PHLDB3: variants seen among roughly 807,000 people sequenced by gnomAD.
PHLDB3 encodes the protein pleckstrin homology-like domain family B member 3.
Under a neutral mutation model 85.7 loss-of-function variants are expected in PHLDB3, and 86 were observed. That is an observed-to-expected ratio of 1.00 (90% CI 0.84 to 1.20). The LOEUF (loss-of-function observed/expected upper bound fraction) is 1.20, where lower values mean the gene tolerates loss of function less well. Ranked by LOEUF, PHLDB3 falls within the 50% of genes most tolerant of loss-of-function variation. The probability of loss-of-function intolerance (pLI) is 0.00; values close to 1 mark genes in which losing one functional copy is unlikely to be tolerated. For synonymous variants in PHLDB3, 376 were observed against 349.8 expected, an observed-to-expected ratio of 1.07 and a Z score of -0.83; for missense variants, 995 against 873.0, an observed-to-expected ratio of 1.14 and a Z score of -1.76.
chr19:43,501,943 C>G, intron 3 of PHLDB3, 72 bp from the exon 4 acceptor site: 1 of 1,496,618 alleles, frequency 6.7e-7, no homozygotes, highest in Non-Finnish European at 8.9e-7. Context: ...CCTGAACTAC[C>G]GGATTCGAAG....
intron 4 of PHLDB3, among the ~76,000 whole-genome samples, chr19:43,500,254 A>G (rs1971556429): frequency 6.6e-6 from 1 of 151,976 alleles, no homozygotes; most frequent in South Asian, 2.1e-4. Flanking sequence ...AAAAAAAGAG[A>G]CTAGGGTGAT....
rs367620118 is a variant in PHLDB3, at chr19:43,497,107, G to C, written c.825+11C>G. 1.4e-6 allele frequency: 2 copies of C among 1,475,930 alleles called. No homozygotes were observed. Among genetic ancestry groups the C allele is most frequent in the Non-Finnish European group, 1.8e-6 (2 of 1,115,850 alleles). The allele number at this position is 1,475,930 out of a possible 1,614,324, so 91.4% of individuals were successfully genotyped here. A position where few individuals can be genotyped will look rare whatever the true frequency, so the allele number is the denominator to read the frequency against. On this transcript the variant is annotated intron_variant, in intron 6 of 15. Coordinates refer to ENST00000292140, the MANE Select transcript of PHLDB3 (RefSeq NM_198850.4). Reference sequence around the variant, plus strand: ...CAGCAAGGGGGGCAGCGCTGGTCAGGCATGACTCACTCTGTGCTGCGCCAT... The same window carrying C: ...CAGCAAGGGGGGCAGCGCTGGTCAGCCATGACTCACTCTGTGCTGCGCCAT...
chr19:43,494,864 C>T, intron 8 of PHLDB3, 49 bp from the exon 9 acceptor site: 1 of 1,421,722 alleles, frequency 7.0e-7, no homozygotes, highest in East Asian at 2.4e-5. Context: ...GACCCCAGAG[C>T]AACTGCCAGT....
In PHLDB3 at chr19:43,475,555, C is replaced by T; in HGVS notation, c.1789-11G>A. 6.2e-7 allele frequency: 1 copy of T among 1,613,702 alleles called. No individual in the cohort carries two copies. The highest frequency in any genetic ancestry group is 8.5e-7 in the Non-Finnish European group (1 of 1,179,790). ...GCGGGGGTTGGGGCTCTGGAATAAGCAGAAAGTGAGGGTAATTCAGACAAA... is the reference window on the plus strand; with the variant it reads ...GCGGGGGTTGGGGCTCTGGAATAAGTAGAAAGTGAGGGTAATTCAGACAAA... On this transcript the variant is annotated splice_polypyrimidine_tract_variant and intron_variant, in intron 15 of 15. Transcript: ENST00000292140.
rs1133929 is a variant in PHLDB3, at chr19:43,479,588, T to C, written c.1491A>G (p.Pro497=). Residue 497 remains proline, a synonymous_variant, in exon 14 of 16, where the codon CCA becomes CCG. Transcript: ENST00000292140. ...SGPAVPAITA[P]PTPPHPPGPR... is the part of the protein sequence containing the mutation. ...GGCCTGGAGGGTGGGGTGGGGTGGG[T>C]GGGGCCTGGGGAGCAAAGAGACGGG... 484,657 of 649,520 alleles carry C rather than the reference T, an allele frequency of 0.75. 166,864 individuals are homozygous for C. Among genetic ancestry groups the C allele is most frequent in the African/African-American group, 0.88 (45,820 of 51,918 alleles). 40.2% of individuals were successfully genotyped at this position (649,520 alleles called of 1,614,324 possible).
At chr19:43,500,895 G>GTCCCCCCCC (rs1971570922) in intron 4 of PHLDB3, among the ~76,000 whole-genome samples, 1 of 33,560 alleles carries the variant, frequency 3.0e-5, no homozygotes, top group Non-Finnish European at 5.3e-5. Context: ...CTCCCACTTT[G>GTCCCCCCCC]CCCCGCCCCC....
intron 6 of PHLDB3, chr19:43,496,858 C>G (rs1052556330): frequency 2.3e-6 from 1 of 442,056 alleles, no homozygotes; most frequent in African/African-American, 2.5e-5. Context: ...CCTTCAGCTT[C>G]TTTATTTATA....
At chr19:43,484,621 A>C (rs1274322027) in intron 13 of PHLDB3, among the ~76,000 whole-genome samples, 1 of 152,170 alleles carries the variant, frequency 6.6e-6, no homozygotes, top group Non-Finnish European at 1.5e-5. Flanking sequence ...CTGAGGTAGA[A>C]GAATCGCTTG....
At chr19:43,487,785 G>T (rs938136462) in intron 9 of PHLDB3, among the ~76,000 whole-genome samples, 1 of 151,896 alleles carries the variant, frequency 6.6e-6, no homozygotes, top group African/African-American at 2.4e-5. Context: ...TATACTAAAA[G>T]ACACAGAACT....
intron 9 of PHLDB3, among the ~76,000 whole-genome samples, chr19:43,490,762 G>T (rs1486965065): frequency 6.6e-6 from 1 of 152,134 alleles, no homozygotes; most frequent in African/African-American, 2.4e-5. Flanking sequence ...AGCTTTGTCT[G>T]CAGGGCACTT....
At chr19:43,495,081 AGGGGCTGGGG>A (rs1971414105) in intron 8 of PHLDB3, among the ~76,000 whole-genome samples, 165 bp downstream of exon 8, 4 of 72,416 alleles carry the variant, frequency 5.5e-5, no homozygotes, top group Admixed American at 1.4e-4. Flanking sequence ...CTGAGAGAGG[AGGGGCTGGGG>A]CCTGGACTCC....
intron 13 of PHLDB3, among the ~76,000 whole-genome samples, chr19:43,485,771 G>C (rs1483799932): frequency 6.6e-6 from 1 of 151,854 alleles, no homozygotes; most frequent in African/African-American, 2.4e-5. Context: ...TGGCCAGGCT[G>C]GTCGCAAACT....
At chr19:43,496,951 A>C (rs1568482919) in intron 6 of PHLDB3, 167 bp downstream of exon 6, 4 of 1,020,590 alleles carry the variant, frequency 3.9e-6, no homozygotes, top group African/African-American at 1.7e-5. Context: ...TGAAATATTC[A>C]GGACCATATC....
intron 13 of PHLDB3, among the ~76,000 whole-genome samples, chr19:43,481,029 C>T (rs915533158): frequency 1.5e-4 from 23 of 152,118 alleles, no homozygotes; most frequent in Non-Finnish European, 2.9e-5. Context: ...CAAGCAGATC[C>T]GCTGGGGATT....
intron 4 of PHLDB3, among the ~76,000 whole-genome samples, chr19:43,501,132 C>T (rs1004495862): frequency 6.6e-6 from 1 of 150,430 alleles, no homozygotes; most frequent in Admixed American, 6.6e-5. Context: ...GACATGGGAG[C>T]TGCCTGACTA....
chr19:43,475,609 C>T (rs1599928247), intron 15 of PHLDB3, 65 bp from the exon 16 acceptor site: 14 of 1,598,304 alleles, frequency 8.8e-6, no homozygotes, highest in Non-Finnish European at 1.2e-5. Context: ...GGGTGCGAAC[C>T]CAGCCTTGCT....
At position 43,495,548 on chromosome 19, in the gene PHLDB3, C is replaced by T. The variant is rs370573967; in HGVS notation, c.898G>A (p.Glu300Lys). 2.5e-6 allele frequency: 4 copies of T among 1,608,788 alleles called. No individual in the cohort carries two copies. The highest frequency in any genetic ancestry group is 1.3e-5 in the African/African-American group (1 of 74,886). Residue 300 changes from glutamate (E) to lysine (K), a missense_variant, in exon 7 of 16, where the codon GAG (glutamate) becomes AAG (lysine). Glu to Lys is a moderately conservative substitution (Grantham distance 56, BLOSUM62 1). Transcript: ENST00000292140. ...LKSLGEQMAA[E>K]SRGLSRKKEE... ...TTCTTCCGGCTCAACCCCCGGCTCT[C>T]GGCTGCCATCTGCTCCCCCAGTGAC... is the stretch of plus-strand genomic sequence containing the variant.
At position 43,495,301 on chromosome 19, in the gene PHLDB3, TC is replaced by T; in HGVS notation, c.989del (p.Gly330GlufsTer111). The T allele has an allele frequency of 6.2e-7, 1 of 1,613,838 alleles. No homozygotes were observed. The highest frequency in any genetic ancestry group is 8.5e-7 in the Non-Finnish European group (1 of 1,179,822). ...SRLLELNCLQ[G>X]TPGGDFSEPN... is the part of the protein sequence containing the mutation. ...GCTCAGAGAAGTCCCCGCCAGGTGT[TC>T]CCTGAAGGCAATTGAGCTCGAGCAG... On this transcript the variant is annotated frameshift_variant, in exon 8 of 16. Coordinates refer to ENST00000292140, the MANE Select transcript of PHLDB3 (RefSeq NM_198850.4). LOFTEE classifies it high-confidence loss of function.
chr19:43,479,646 C>A, intron 13 of PHLDB3, 53 bp from the exon 14 acceptor site: 1 of 1,309,406 alleles, frequency 7.6e-7, no homozygotes, highest in Non-Finnish European at 1.1e-6. Context: ...GATTCTACAG[C>A]CTGGAGCCCC....
Sources: gnomAD v4.1 joint callset for allele counts (sites outside exome capture counted in the v4.1 genomes callset) on GRCh38, gnomAD v4.1.1 for gene constraint, MANE v1.5 for transcripts, NCBI Gene and HGNC (gene_info 2026-07-23, HGNC 2026-07-21) for gene names.